The following USP19 variants were observed in gnomAD, a reference collection of about 807,000 sequenced individuals.
The protein encoded by USP19 is ubiquitin specific peptidase 19, also known as ubiquitin carboxyl-terminal hydrolase 19.
In USP19, 40 loss-of-function variants were observed where a neutral mutation model predicts 144.8. That is an observed-to-expected ratio of 0.28 (90% CI 0.21 to 0.36). The LOEUF (loss-of-function observed/expected upper bound fraction) is 0.36, where lower values mean the gene tolerates loss of function less well. Ranked by LOEUF, USP19 falls within the 10% of genes least tolerant of loss-of-function variation. The pLI is 1.00. For synonymous variants in USP19, 701 were observed against 709.3 expected, an observed-to-expected ratio of 0.99 and a Z score of 0.19; for missense variants, 1,518 against 1,822.5, an observed-to-expected ratio of 0.83 and a Z score of 3.04.
In USP19 at chr3:49,116,342, G is replaced by A; in HGVS notation, c.1293C>T (p.Asn431=). The A allele has an allele frequency of 6.2e-7, 1 of 1,614,100 alleles. No individual in the cohort carries two copies. The highest frequency in any genetic ancestry group is 8.5e-7 in the Non-Finnish European group (1 of 1,180,026). The part of the protein sequence containing the change: ...FTLIFQTRDG[N]FLRLHPGCGP... The stretch of plus-strand genomic sequence containing the variant: ...CACAGCCCGGGTGCAGCCTCAGGAA[G>A]TTTCCATCCCTGCAGAGGCACAGCA... The change falls in exon 9 of 27, where the codon AAC becomes AAT. Residue 431 remains asparagine, a synonymous_variant. Transcript: ENST00000417901. The surrounding 1 kb of genome is among the most constrained non-coding windows in gnomAD (Gnocchi z 5.0).
Position 49,116,507 on chromosome 3 carries a change from C to T in USP19, c.1227G>A (p.Arg409=). ...VVHVYVKEIC[R]DTSRVLFREQ... is the part of the protein sequence containing the mutation. ...CACGGAAAAGTACTCTTGAGGTGTC[C>T]CTGCAGATCTCCTTCACGTACACGT... The change falls in exon 8 of 27, where the codon AGG becomes AGA. Residue 409 remains arginine, a synonymous_variant. Coordinates refer to ENST00000417901, the MANE Select transcript of USP19 (RefSeq NM_001199161.2). The surrounding 1 kb of genome is among the most constrained non-coding windows in gnomAD (Gnocchi z 5.0). 6.2e-7 allele frequency: 1 copy of T among 1,614,192 alleles called. No individual in the cohort carries two copies. The highest frequency in any genetic ancestry group is 8.5e-7 in the Non-Finnish European group (1 of 1,180,024).
At position 49,114,085 on chromosome 3, in the gene USP19, C is replaced by T; in HGVS notation, c.2412G>A (p.Val804=). ...EPHSKPIKFL[V]SVSKENSTAS... is the part of the protein sequence containing the mutation. Reference sequence around the variant, plus strand: ...CAGTGGAGTTCTCCTTGCTGACGCTCACCAGGAACTGTGGCAAAAAGGGCA... The same window carrying T: ...CAGTGGAGTTCTCCTTGCTGACGCTTACCAGGAACTGTGGCAAAAAGGGCA... The change falls in exon 17 of 27, where the codon GTG becomes GTA. Residue 804 remains valine (V), a synonymous_variant. Coordinates refer to ENST00000417901, the MANE Select transcript of USP19 (RefSeq NM_001199161.2). This position sits in a 1 kb window ranked among gnomAD's most constrained non-coding sequence, Gnocchi z 4.5. 2 of 1,614,216 alleles carry T rather than the reference C, an allele frequency of 1.2e-6. No homozygotes were observed. Among genetic ancestry groups the T allele is most frequent in the Non-Finnish European group, 1.7e-6 (2 of 1,180,044 alleles).
In USP19 at chr3:49,115,612, T is replaced by C. The variant is rs765977132; in HGVS notation, c.1720A>G (p.Met574Val). ...SPKPTCMVPPMPHSPVSGDSV... is the reference protein window; with the variant it reads ...SPKPTCMVPPVPHSPVSGDSV... ...TCTCCACTAACTGGGCTGTGGGGCA[T>C]GGGAGGCACCATGCATGTAGGCTTG... Residue 574 changes from methionine to valine, a missense_variant, in exon 12 of 27, where the codon ATG becomes GTG. This residue lies in a region of USP19 where 158 missense variants were observed against 277.3 expected (regional missense o/e 0.57). Coordinates refer to ENST00000417901, the MANE Select transcript of USP19 (RefSeq NM_001199161.2). The surrounding 1 kb of genome is among the most constrained non-coding windows in gnomAD (Gnocchi z 6.6). 2 of 1,609,892 alleles carry C rather than the reference T, an allele frequency of 1.2e-6. No individual in the cohort carries two copies. Among genetic ancestry groups the C allele is most frequent in the South Asian group, 1.1e-5 (1 of 90,598 alleles).
At position 49,108,494 on chromosome 3, in the gene USP19, G is replaced by A. The variant is rs973719933; in HGVS notation, c.4073C>T (p.Pro1358Leu). Residue 1358 changes from proline to leucine, a missense_variant, in exon 27 of 27, where the codon CCC (proline) becomes CTC (leucine). Physicochemically the swap from Pro to Leu is moderately conservative, Grantham distance 98. Transcript: ENST00000417901. The surrounding 1 kb of genome is among the most constrained non-coding windows in gnomAD (Gnocchi z 4.8). ...GAAGCGTTCAGGGGCTGTCCGCGTG[G>A]GGGCCACCTCGGGGGCCTGGCCAGG... ...LGPGQAPEVA[P>L]TRTAPERFAP... The A allele has an allele frequency of 3.9e-6, 5 of 1,266,770 alleles. No homozygotes were observed. The African/African-American group carries it at 7.8e-5, about 20-fold the overall frequency. The allele number at this position is 1,266,770 out of a possible 1,614,324, so 78.5% of individuals were successfully genotyped here.
rs750140294 is a variant in USP19 at position 49,119,084 on chromosome 3, G to A, written c.62C>T (p.Thr21Ile). Reference protein sequence around the residue: ...RRGPPGLEDTTSKKKQKDRAN... With the variant: ...RRGPPGLEDTISKKKQKDRAN... ...TCGATCCTTCTGCTTCTTCTTACTAGTGGTGTCCTCCAGTCCTGGGGGCCC... is the reference window on the plus strand; with the variant it reads ...TCGATCCTTCTGCTTCTTCTTACTAATGGTGTCCTCCAGTCCTGGGGGCCC... The change falls in exon 2 of 27, where the codon ACT becomes ATT. Residue 21 changes from threonine to isoleucine, a missense_variant. By Grantham distance (89) the Thr-to-Ile change is moderately conservative. Around this residue, in one of 5 missense-constraint regions of USP19, gnomAD observed 707 missense variants for 728.9 expected, o/e 0.97. Coordinates refer to ENST00000417901, the MANE Select transcript of USP19 (RefSeq NM_001199161.2). 2 of 1,614,146 alleles carry A rather than the reference G, an allele frequency of 1.2e-6. No homozygotes were observed. Among genetic ancestry groups the A allele is most frequent in the South Asian group, 1.1e-5 (1 of 91,086 alleles).
chr3:49,118,011 G>A lies in USP19; in HGVS notation c.234C>T (p.Thr78=). ...CTGACGATGAAGGAAAGAACAGCCG[G>A]GTACGGTGGCGTGAGCCTGTGATCC... ...AAGITGSRHR[T]RLFFPSSSGS... is the part of the protein sequence containing the mutation. The change falls in exon 3 of 27, where the codon ACC becomes ACT. Residue 78 remains threonine, a synonymous_variant. Transcript: ENST00000417901. The A allele has an allele frequency of 1.2e-6, 2 of 1,605,186 alleles. No individual in the cohort carries two copies. The highest frequency in any genetic ancestry group is 1.7e-6 in the Non-Finnish European group (2 of 1,177,900).
Position 49,116,074 on chromosome 3 carries a change from C to A in USP19, c.1444G>T (p.Gly482Trp). The A allele has an allele frequency of 6.2e-7, 1 of 1,610,330 alleles. No homozygotes were observed. The highest frequency in any genetic ancestry group is 8.5e-7 in the Non-Finnish European group (1 of 1,179,072). ...CLRKRQSQRW[G>W]GLEAPAARGA... ...CGTGCAGCCGGGGCCTCCAGGCCCCCCCAGCGCTGACTCTGCCTCTTACGA... is the reference window on the plus strand; with the variant it reads ...CGTGCAGCCGGGGCCTCCAGGCCCCACCAGCGCTGACTCTGCCTCTTACGA... The change falls in exon 10 of 27, where the codon GGG (glycine) becomes TGG (tryptophan). Residue 482 changes from glycine to tryptophan, a missense_variant. Gly to Trp is a radical substitution (Grantham distance 184). This residue lies in a region of USP19 where 707 missense variants were observed against 728.9 expected (regional missense o/e 0.97). Transcript: ENST00000417901. This position sits in a 1 kb window ranked among gnomAD's most constrained non-coding sequence, Gnocchi z 5.0.
At chr3:49,118,248 AGAGT>A (rs1214179637) in intron 2 of USP19, 128 bp from the exon 3 acceptor site, 13 of 453,748 alleles carry the variant, frequency 2.9e-5, no homozygotes, top group South Asian at 1.9e-4. Flanking sequence ...AATCTGTGCA[AGAGT>A]GAGACCCTGC....
intron 26 of USP19, 199 bp downstream of exon 26, chr3:49,109,985 G>A: frequency 1.8e-6 from 1 of 546,914 alleles, no homozygotes; most frequent in South Asian, 5.0e-5. Context: ...GCATGTTAGT[G>A]TACTTGTATG....
chr3:49,115,533 G>C lies in USP19; in HGVS notation c.1799C>G (p.Thr600Ser). ...GGTGTTGCCTAAATTGACAAGGCCA[G>C]TGAAGCCTGGCAGACACACCTTCTT... ...EEKKVCLPGF[T>S]GLVNLGNTCF... is the part of the protein sequence containing the mutation. The change falls in exon 12 of 27, where the codon ACT (threonine) becomes AGT (serine). Residue 600 changes from threonine (T) to serine (S), a missense_variant. By Grantham distance (58) the Thr-to-Ser change is moderately conservative. This residue lies in a region of USP19 where 158 missense variants were observed against 277.3 expected (regional missense o/e 0.57). Coordinates refer to ENST00000417901, the MANE Select transcript of USP19 (RefSeq NM_001199161.2). The surrounding 1 kb of genome is among the most constrained non-coding windows in gnomAD (Gnocchi z 6.6). 1 of 1,614,196 alleles carries C rather than the reference G, an allele frequency of 6.2e-7. No homozygotes were observed. Among genetic ancestry groups the C allele is most frequent in the Non-Finnish European group, 8.5e-7 (1 of 1,180,050 alleles).
At chr3:49,119,357 C>A in intron 1 of USP19, 76 bp from the exon 2 acceptor site, 1 of 571,594 alleles carries the variant, frequency 1.7e-6, no homozygotes, top group Non-Finnish European at 3.1e-6. Flanking sequence ...CTCAGCAACA[C>A]AGGACACTAA....
chr3:49,117,166 C>T lies in USP19; in HGVS notation c.802G>A (p.Ala268Thr), dbSNP rs1040185719. 18 of 1,548,266 alleles carry T rather than the reference C, an allele frequency of 1.2e-5. No homozygotes were observed. Among genetic ancestry groups the T allele is most frequent in the Admixed American group, 2.0e-5 (1 of 50,982 alleles). ...AGPGAQAGPS[A>T]KRAVHLCRGP... ...CTGCAGAGATGCACAGCCCTCTTGG[C>T]GCTGGGCCCTGCCTGGGCCCCGGGG... Residue 268 changes from alanine to threonine, a missense_variant, in exon 6 of 27, where the codon GCC becomes ACC. Ala to Thr is a moderately conservative substitution (Grantham distance 58, BLOSUM62 0). Transcript: ENST00000417901. This position sits in a 1 kb window ranked among gnomAD's most constrained non-coding sequence, Gnocchi z 4.4.
At position 49,115,501 on chromosome 3, in the gene USP19, T is replaced by G. The variant is rs756504062; in HGVS notation, c.1831A>C (p.Met611Leu). ...GLVNLGNTCF[M>L]NSVIQSLSNT... ...GACAGAGACTGAATGACGCTGTTCA[T>G]GAAGCAGGTGTTGCCTAAATTGACA... The change falls in exon 12 of 27, where the codon ATG becomes CTG. Residue 611 changes from methionine (M) to leucine (L), a missense_variant. By Grantham distance (15) the Met-to-Leu change is conservative. Transcript: ENST00000417901. The surrounding 1 kb of genome is among the most constrained non-coding windows in gnomAD (Gnocchi z 6.6). 9 of 1,614,234 alleles carry G rather than the reference T, an allele frequency of 5.6e-6. No homozygotes were observed. The highest frequency in any genetic ancestry group is 7.6e-6 in the Non-Finnish European group (9 of 1,180,048).
In USP19 at chr3:49,116,300, G is replaced by T; in HGVS notation, c.1335C>A (p.Phe445Leu). 5 of 1,613,488 alleles carry T rather than the reference G, an allele frequency of 3.1e-6. No homozygotes were observed. Among genetic ancestry groups the T allele is most frequent in the Non-Finnish European group, 4.2e-6 (5 of 1,179,862 alleles). The change falls in exon 9 of 27, where the codon TTC becomes TTA. Residue 445 changes from phenylalanine to leucine, a missense_variant. By Grantham distance (22) the Phe-to-Leu change is conservative (BLOSUM62 0). Transcript: ENST00000417901. This position sits in a 1 kb window ranked among gnomAD's most constrained non-coding sequence, Gnocchi z 5.0. ...LHPGCGPHTT[F>L]RWQVKLRNLI... Reference sequence around the variant, plus strand: ...CCCACCTGAGCTTCACCTGCCAACGGAAGGTGGTGTGGGGCCCACAGCCCG... The same window carrying T: ...CCCACCTGAGCTTCACCTGCCAACGTAAGGTGGTGTGGGGCCCACAGCCCG...
Position 49,108,710 on chromosome 3 carries a change from G to A in USP19, c.4039-182C>T. The A allele has an allele frequency of 1.5e-6, 2 of 1,344,600 alleles. No homozygotes were observed. Among genetic ancestry groups the A allele is most frequent in the East Asian group, 2.9e-5 (1 of 34,812 alleles). The allele number at this position is 1,344,600 out of a possible 1,614,324, so 83.3% of individuals were successfully genotyped here. ...AGTCTGGTTTTATTAACACTTTTAA[G>A]TACAGGAAGTAGCTTGGGCAGGGCC... On this transcript the variant is annotated intron_variant, in intron 26 of 26. Transcript: ENST00000417901. This position sits in a 1 kb window ranked among gnomAD's most constrained non-coding sequence, Gnocchi z 4.8.
intron 26 of USP19, among the ~76,000 whole-genome samples, chr3:49,109,491 C>T (rs1219151884): frequency 6.6e-6 from 1 of 152,122 alleles, no homozygotes; most frequent in Non-Finnish European, 1.5e-5. Context: ...CAAAGGACAC[C>T]GATTCATAGA....
At position 49,117,961 on chromosome 3, in the gene USP19, T is replaced by C; in HGVS notation, c.284A>G (p.Glu95Gly). 1.9e-6 allele frequency: 3 copies of C among 1,612,954 alleles called. No individual in the cohort carries two copies. The highest frequency in any genetic ancestry group is 2.5e-6 in the Non-Finnish European group (3 of 1,179,740). Reference protein sequence around the residue: ...SSGSASTPQEEQTKEGACEDP... With the variant: ...SSGSASTPQEGQTKEGACEDP... ...TCGTTACTGACCCTCTTTGGTCTGC[T>C]CCTCTTGAGGAGTGGATGCTGACCC... Residue 95 changes from glutamate (E) to glycine (G), a missense_variant, in exon 3 of 27, where the codon GAG becomes GGG. Around this residue, in one of 5 missense-constraint regions of USP19, gnomAD observed 707 missense variants for 728.9 expected, o/e 0.97. Transcript: ENST00000417901. This position sits in a 1 kb window ranked among gnomAD's most constrained non-coding sequence, Gnocchi z 4.4.
Position 49,114,069 on chromosome 3 carries a change from TCTC to T in USP19, c.2425_2427del (p.Glu809del). 1 of 1,614,210 alleles carries T rather than the reference TCTC, an allele frequency of 6.2e-7. No homozygotes were observed. The highest frequency in any genetic ancestry group is 1.3e-5 in the African/African-American group (1 of 75,034). ...TCCAATACTTCGCTCGCAGTGGAGT[TCTC>T]CTTGCTGACGCTCACCAGGAACTGT... is the stretch of plus-strand genomic sequence containing the variant. On this transcript the variant is annotated inframe_deletion, in exon 17 of 27. Transcript: ENST00000417901. This position sits in a 1 kb window ranked among gnomAD's most constrained non-coding sequence, Gnocchi z 4.5.
In USP19 at chr3:49,115,191, C is replaced by A; in HGVS notation, c.2022+37G>T. On this transcript the variant is annotated intron_variant, in intron 13 of 26. Coordinates refer to ENST00000417901, the MANE Select transcript of USP19 (RefSeq NM_001199161.2). The surrounding 1 kb of genome is among the most constrained non-coding windows in gnomAD (Gnocchi z 6.6). The stretch of plus-strand genomic sequence containing the variant: ...ACACCCAGCTGGCTGGCCCTCCCCG[C>A]CCCCTCCAGCCAAGGGTGACAGTGG... 1 of 1,613,080 alleles carries A rather than the reference C, an allele frequency of 6.2e-7. No homozygotes were observed. The highest frequency in any genetic ancestry group is 8.5e-7 in the Non-Finnish European group (1 of 1,179,710).
Sources: allele counts gnomAD v4.1 joint callset (sites outside exome capture counted in the v4.1 genomes callset), GRCh38; gene constraint gnomAD v4.1.1; regional missense constraint gnomAD v4.1.1; non-coding constraint Gnocchi (gnomAD v3.1); transcripts MANE v1.5; gene names NCBI Gene and HGNC (gene_info 2026-07-23, HGNC 2026-07-21).